The following THRA variants were observed in gnomAD, a reference collection of about 807,000 sequenced individuals.
THRA encodes thyroid hormone receptor alpha.
A neutral mutation model predicts 45.0 loss-of-function variants in THRA; 13 were observed. The observed-to-expected ratio is 0.29, with a 90% CI of 0.19 to 0.46. The LOEUF is 0.46. THRA is among the 20% of genes least tolerant of loss of function. THRA has a pLI of 1.00. For missense variants in THRA, 278 were observed against 556.1 expected, an observed-to-expected ratio of 0.50 and a Z score of 5.03; for synonymous variants, 195 against 214.0, an observed-to-expected ratio of 0.91 and a Z score of 0.78.
chr17:40,083,676 C>G (rs1398313606), intron 4 of THRA, among the ~76,000 whole-genome samples, 159 bp from the exon 5 acceptor site: 1 of 152,136 alleles, frequency 6.6e-6, no homozygotes, highest in East Asian at 1.9e-4. Flanking sequence ...GGTCCTTGAG[C>G]CTAGTAATCT....
At chr17:40,064,331 A>C (rs557932292) in intron 1 of THRA, among the ~76,000 whole-genome samples, 1 of 152,230 alleles carries the variant, frequency 6.6e-6, no homozygotes, top group Non-Finnish European at 1.5e-5. Context: ...TGTCACATGC[A>C]TGCATGCACA....
chr17:40,077,424 T>C, intron 3 of THRA, 84 bp from the exon 4 acceptor site: 1 of 1,295,774 alleles, frequency 7.7e-7, no homozygotes, highest in Non-Finnish European at 1.1e-6. Context: ...AAACAAAAAG[T>C]TGAGGGATGG....
chr17:40,074,265 C>A lies in THRA; in HGVS notation c.-224C>A. ...CCCGGGACCCACAAACCCAGCTTGC[C>A]CCCAGCCCTCCCACCTGCCACTCCC... On this transcript the variant is annotated 5_prime_UTR_variant, in exon 2 of 9. Coordinates refer to ENST00000450525, the MANE Select transcript of THRA (RefSeq NM_199334.5). 1 of 571,378 alleles carries A rather than the reference C, an allele frequency of 1.8e-6. No homozygotes were observed. The highest frequency in any genetic ancestry group is 3.1e-6 in the Non-Finnish European group (1 of 317,880). The allele number at this position is 571,378 out of a possible 1,614,324, so 35.4% of individuals were successfully genotyped here. A position where few individuals can be genotyped will look rare whatever the true frequency, so the allele number is the denominator to read the frequency against.
At chr17:40,080,801 C>A (rs1411148037) in intron 4 of THRA, among the ~76,000 whole-genome samples, 1 of 150,420 alleles carries the variant, frequency 6.6e-6, no homozygotes, top group Admixed American at 6.6e-5. Context: ...TGGCTCACTG[C>A]AACCTCTGCC....
rs1301965758 is a variant in THRA, at chr17:40,076,908, G to A, written c.91G>A (p.Gly31Ser). The change falls in exon 3 of 9, where the codon GGC becomes AGC. Residue 31 changes from glycine (G) to serine (S), a missense_variant. By Grantham distance (56) the Gly-to-Ser change is moderately conservative. Around this residue, in one of 6 missense-constraint regions of THRA, gnomAD observed 34 missense variants for 39.7 expected, o/e 0.86. Coordinates refer to ENST00000450525, the MANE Select transcript of THRA (RefSeq NM_199334.5). ...AGATGGAAAGCGAAAAAGAAAGAAC[G>A]GCCAATGTTCCCTGAAAACCAGCAT... ...SPDGKRKRKN[G>S]QCSLKTSMSG... The A allele has an allele frequency of 3.1e-6, 5 of 1,614,056 alleles. No individual in the cohort carries two copies. The highest frequency in any genetic ancestry group is 1.1e-5 in the South Asian group (1 of 91,082).
At position 40,089,746 on chromosome 17, in the gene THRA, C is replaced by T. The variant is rs568425990; in HGVS notation, c.*290C>T. 1.7e-4 allele frequency: 213 copies of T among 1,264,430 alleles called. No homozygotes were observed. The highest frequency in any genetic ancestry group is 9.4e-4 in the Middle Eastern group (3 of 3,194). 78.3% of individuals were successfully genotyped at this position (1,264,430 alleles called of 1,614,324 possible). The stretch of plus-strand genomic sequence containing the variant: ...ATCCTCTCAGAAGGTAGGGGAAGGG[C>T]GGGAGGATTGAGAAGGGACAAGCCA... On this transcript the variant is annotated 3_prime_UTR_variant, in exon 9 of 9. Transcript: ENST00000450525. This position sits in a 1 kb window ranked among gnomAD's most constrained non-coding sequence, Gnocchi z 6.1.
chr17:40,087,284 CAT>C (rs1987358371), intron 7 of THRA, among the ~76,000 whole-genome samples: 1 of 146,192 alleles, frequency 6.8e-6, no homozygotes, highest in Non-Finnish European at 1.5e-5. Context: ...CACACAGATA[CAT>C]AGACACACAC....
intron 1 of THRA, among the ~76,000 whole-genome samples, chr17:40,064,738 C>G (rs1986491511): frequency 6.6e-6 from 1 of 152,176 alleles, no homozygotes; most frequent in African/African-American, 2.4e-5. Flanking sequence ...AGCTCTGGAT[C>G]CCACGCAGAG....
At chr17:40,083,767 C>T in intron 4 of THRA, 68 bp from the exon 5 acceptor site, 1 of 1,523,374 alleles carries the variant, frequency 6.6e-7, no homozygotes, top group East Asian at 2.4e-5. Flanking sequence ...CCCTAGTAAA[C>T]TGCATGGTTG....
rs116143714 is a variant in THRA, at chr17:40,071,191, A to G, written c.-297-3001A>G. ...AGGAGGGCTGGGCTTTCTTCAGAGC[A>G]CTAAGGACAAAGTTCAGGGGCCCCA... On this transcript the variant is annotated intron_variant, in intron 1 of 8. Transcript: ENST00000450525. 6.9e-3 allele frequency among the ~76,000 whole-genome samples: 1,047 copies of G among 152,196 alleles called. 12 individuals carry two copies. The highest frequency in any genetic ancestry group is 0.023 in the African/African-American group (964 of 41,522).
chr17:40,086,184 C>T (rs925054033), intron 6 of THRA, among the ~76,000 whole-genome samples: 1 of 152,170 alleles, frequency 6.6e-6, no homozygotes, highest in African/African-American at 2.4e-5. Context: ...AAACCAGCAC[C>T]TGGTTCATGG....
At chr17:40,076,268 G>A (rs78770366) in intron 2 of THRA, among the ~76,000 whole-genome samples, 4 of 152,310 alleles carry the variant, frequency 2.6e-5, no homozygotes, top group Non-Finnish European at 5.9e-5. Flanking sequence ...TAGCATGTGT[G>A]TATGACCTGG....
chr17:40,077,020 A>G lies in THRA; in HGVS notation c.121+82A>G. 2.8e-6 allele frequency: 4 copies of G among 1,420,730 alleles called. No individual in the cohort carries two copies. In the Admixed American group the frequency reaches 7.6e-5, roughly 27 times the overall value. 88.0% of individuals were successfully genotyped at this position (1,420,730 alleles called of 1,614,324 possible). On this transcript the variant is annotated intron_variant, in intron 3 of 8. Coordinates refer to ENST00000450525, the MANE Select transcript of THRA (RefSeq NM_199334.5). ...AGGGCTCCTCTGGACCTGGATGTGG[A>G]ACAGTAATTCATGTGTTCCCTGGGG... is the stretch of plus-strand genomic sequence containing the variant.
At chr17:40,079,149 G>C (rs1365113912) in intron 4 of THRA, among the ~76,000 whole-genome samples, 3 of 152,130 alleles carry the variant, frequency 2.0e-5, no homozygotes, top group East Asian at 3.8e-4. Flanking sequence ...GCCAGTACTG[G>C]GGGGGTAGTG....
Position 40,089,776 on chromosome 17 carries a change from G to A in THRA, c.*320G>A. 1 of 1,186,426 alleles carries A rather than the reference G, an allele frequency of 8.4e-7. No homozygotes were observed. The highest frequency in any genetic ancestry group is 1.1e-6 in the Non-Finnish European group (1 of 949,148). The allele number at this position is 1,186,426 out of a possible 1,614,324, so 73.5% of individuals were successfully genotyped here. A position where few individuals can be genotyped will look rare whatever the true frequency, so the allele number is the denominator to read the frequency against. On this transcript the variant is annotated 3_prime_UTR_variant, in exon 9 of 9. Transcript: ENST00000450525. This position sits in a 1 kb window ranked among gnomAD's most constrained non-coding sequence, Gnocchi z 6.1. ...GGATTGAGAAGGGACAAGCCACCTT[G>A]ACCGTAGGGGAAGGAGGAATGTGGG...
At chr17:40,074,631 A>G (rs1986887880) in intron 2 of THRA, 90 bp downstream of exon 2, 36 of 1,419,390 alleles carry the variant, frequency 2.5e-5, no homozygotes, top group Non-Finnish European at 3.4e-5. Flanking sequence ...GCCTTTAAGC[A>G]CCTCTGTGGG....
intron 1 of THRA, among the ~76,000 whole-genome samples, chr17:40,073,125 A>C (rs1287608792): frequency 6.6e-6 from 1 of 152,130 alleles, no homozygotes; most frequent in East Asian, 1.9e-4. Context: ...CAGGGGGCCT[A>C]GGGGTGAGGT....
In THRA at chr17:40,091,643, C is replaced by T. The variant is rs1987556035; in HGVS notation, c.*2187C>T. ...GCCATGGACACGGCAGAGAAAAGGC[C>T]TTGAAGAGCCTTAGCCTCTTATAGG... is the stretch of plus-strand genomic sequence containing the variant. On this transcript the variant is annotated 3_prime_UTR_variant, in exon 9 of 9. Coordinates refer to ENST00000450525, the MANE Select transcript of THRA (RefSeq NM_199334.5). 6.6e-6 allele frequency: 1 copy of T among 152,126 alleles called. No individual in the cohort carries two copies. The highest frequency in any genetic ancestry group is 3.2e-3 in the Middle Eastern group (1 of 316). The allele number at this position is 152,126 out of a possible 1,614,324, so 9.4% of individuals were successfully genotyped here.
rs1987397368 is a variant in THRA, at chr17:40,088,141, G to A, written c.724-101G>A. ...AAGGTCAGCCGTTCAGAGTCCATGG[G>A]GGCCTTGCGGGCCTCACGGCTCCCG... On this transcript the variant is annotated intron_variant, in intron 7 of 8. Transcript: ENST00000450525. 9 of 1,460,592 alleles carry A rather than the reference G, an allele frequency of 6.2e-6. No homozygotes were observed. In the South Asian group the frequency reaches 1.2e-4, roughly 20 times the overall value. The allele number at this position is 1,460,592 out of a possible 1,614,324, so 90.5% of individuals were successfully genotyped here.
Sources: allele counts gnomAD v4.1 joint callset (sites outside exome capture counted in the v4.1 genomes callset), GRCh38; gene constraint gnomAD v4.1.1; regional missense constraint gnomAD v4.1.1; non-coding constraint Gnocchi (gnomAD v3.1); transcripts MANE v1.5; gene names NCBI Gene and HGNC (gene_info 2026-07-23, HGNC 2026-07-21).